Variants in MAPRE2 observed in about 807,000 individuals in gnomAD.
MAPRE2 encodes microtubule-associated protein RP/EB family member 2.
MAPRE2 carries 13 observed loss-of-function variants against 43.2 expected under a neutral mutation model. The observed-to-expected ratio is 0.30, with a 90% CI of 0.20 to 0.48. MAPRE2 has a LOEUF of 0.48. Ranked by LOEUF, MAPRE2 falls within the 20% of genes least tolerant of loss-of-function variation. The probability of loss-of-function intolerance (pLI) is 0.99; values close to 1 mark genes in which losing one functional copy is unlikely to be tolerated. For synonymous variants in MAPRE2, 135 were observed against 148.8 expected (o/e 0.91, Z 0.68); for missense variants, 161 against 400.2 (o/e 0.40, Z 5.10).
intron 2 of MAPRE2, among the ~76,000 whole-genome samples, chr18:35,020,012 C>T (rs920456768): frequency 1.6e-4 from 24 of 152,182 alleles, no homozygotes; most frequent in Admixed American, 1.4e-3. Flanking sequence ...AAAATCAGCT[C>T]GGCCTCAGGT....
intron 1 of MAPRE2, among the ~76,000 whole-genome samples, chr18:35,000,487 G>T (rs73949045): frequency 3.3e-5 from 5 of 152,174 alleles, no homozygotes; most frequent in Admixed American, 1.3e-4. Context: ...AGGATGGGGG[G>T]ACTCCCTAGC....
At chr18:35,126,430 T>G (rs1203904251) in intron 4 of MAPRE2, among the ~76,000 whole-genome samples, 1 of 152,220 alleles carries the variant, frequency 6.6e-6, no homozygotes, top group East Asian at 1.9e-4. Context: ...AACCAAAGTT[T>G]GGGCATCAGG....
chr18:35,035,025 G>T (rs561769434), intron 2 of MAPRE2, among the ~76,000 whole-genome samples: 2 of 152,018 alleles, frequency 1.3e-5, no homozygotes, highest in South Asian at 2.1e-4. Context: ...TATACCCAAA[G>T]GACTATAAAT....
chr18:34,999,519 T>G (rs1243289453), intron 1 of MAPRE2, among the ~76,000 whole-genome samples: 1 of 152,208 alleles, frequency 6.6e-6, no homozygotes, highest in East Asian at 1.9e-4. Context: ...TGAATTTTTA[T>G]TTTATTGTAA....
chr18:34,983,215 T>A (rs2150569984), intron 1 of MAPRE2, among the ~76,000 whole-genome samples: 1 of 152,366 alleles, frequency 6.6e-6, no homozygotes, highest in South Asian at 2.1e-4. Context: ...ATAGGTCAAC[T>A]AATCACTAAA....
chr18:35,131,312 C>T (rs1672156864), intron 5 of MAPRE2, among the ~76,000 whole-genome samples: 1 of 152,206 alleles, frequency 6.6e-6, no homozygotes, highest in African/African-American at 2.4e-5. Flanking sequence ...TCCTCCCATT[C>T]TCCATTTCCT....
At chr18:35,131,975 T>C in intron 5 of MAPRE2, 57 bp from the exon 6 acceptor site, 1 of 1,542,336 alleles carries the variant, frequency 6.5e-7, no homozygotes, top group Non-Finnish European at 8.9e-7. Flanking sequence ...GAATTGCTGG[T>C]CATGTCTTAT....
chr18:34,987,885 C>T (rs1054537437), intron 1 of MAPRE2, among the ~76,000 whole-genome samples: 1 of 152,158 alleles, frequency 6.6e-6, no homozygotes, highest in African/African-American at 2.4e-5. Flanking sequence ...ACAAACAATC[C>T]ACCCACCTCG....
At chr18:35,077,249 G>C (rs7359770) in intron 2 of MAPRE2, among the ~76,000 whole-genome samples, 1 of 88,856 alleles carries the variant, frequency 1.1e-5, no homozygotes, top group Admixed American at 1.1e-4. Context: ...GTGCGCGCGC[G>C]CACACACACA....
rs576049344 is a variant in MAPRE2 at position 34,979,417 on chromosome 18, C to T, written c.-70+2338C>T. 2.0e-5 allele frequency among the ~76,000 whole-genome samples: 3 copies of T among 152,286 alleles called. No individual in the cohort carries two copies. The South Asian group carries it at 6.2e-4, about 32-fold the overall frequency. ...TTTGTTGACACGCACAAACTGCACTCCTTTGAAAGCACATTTAATATCTGA... is the reference window on the plus strand; with the variant it reads ...TTTGTTGACACGCACAAACTGCACTTCTTTGAAAGCACATTTAATATCTGA... On this transcript the variant is annotated intron_variant, in intron 1 of 7. Transcript: ENST00000413393.
chr18:35,130,419 G>C (rs542669651), intron 5 of MAPRE2, among the ~76,000 whole-genome samples: 1 of 152,312 alleles, frequency 6.6e-6, no homozygotes, highest in South Asian at 2.1e-4. Context: ...CCACATGGGG[G>C]TGTCAGTGAG....
chr18:35,043,290 A>G (rs1204222014), intron 1 of MAPRE2, among the ~76,000 whole-genome samples: 1 of 152,208 alleles, frequency 6.6e-6, no homozygotes, highest in Admixed American at 6.5e-5. Flanking sequence ...TTTTGTAGAA[A>G]ATAAATTTGA....
intron 2 of MAPRE2, among the ~76,000 whole-genome samples, chr18:35,078,896 T>C (rs1184690533): frequency 1.3e-5 from 2 of 152,202 alleles, no homozygotes; most frequent in Non-Finnish European, 2.9e-5. Context: ...CCTAGTCTTA[T>C]GAAGTTCTTC....
At chr18:35,127,165 T>C (rs1172939879) in intron 5 of MAPRE2, 78 bp downstream of exon 5, 1 of 1,484,220 alleles carries the variant, frequency 6.7e-7, no homozygotes, top group South Asian at 1.2e-5. Flanking sequence ...CCCCTAGGAC[T>C]GGGGTAAGGG....
intron 2 of MAPRE2, among the ~76,000 whole-genome samples, chr18:35,089,199 G>A (rs1383370285): frequency 6.6e-6 from 1 of 152,150 alleles, no homozygotes. Context: ...TAGGAACTAT[G>A]CAGTTTCTCA....
At chr18:35,027,666 A>G (rs969192348) in intron 2 of MAPRE2, among the ~76,000 whole-genome samples, 7 of 152,242 alleles carry the variant, frequency 4.6e-5, no homozygotes, top group African/African-American at 1.4e-4. Context: ...TAGAGTCACA[A>G]TAGAGAACCA....
At chr18:35,052,152 C>T (rs573889750) in intron 1 of MAPRE2, among the ~76,000 whole-genome samples, 28 of 152,114 alleles carry the variant, frequency 1.8e-4, no homozygotes, top group Non-Finnish European at 3.8e-4. Context: ...GCAGTGTGTC[C>T]ACCCTGAAGC....
intron 1 of MAPRE2, among the ~76,000 whole-genome samples, chr18:35,004,842 C>G (rs2097031036): frequency 6.6e-6 from 1 of 150,692 alleles, no homozygotes; most frequent in Non-Finnish European, 1.5e-5. Flanking sequence ...GGCGTGAGCC[C>G]AGGAGGCAGA....
At chr18:35,079,290 T>G (rs1907520193) in intron 2 of MAPRE2, among the ~76,000 whole-genome samples, 1 of 152,208 alleles carries the variant, frequency 6.6e-6, no homozygotes, top group Non-Finnish European at 1.5e-5. Flanking sequence ...GATAATTTTC[T>G]TACAAGCTTG....
Sources: allele counts gnomAD v4.1 joint callset (sites outside exome capture counted in the v4.1 genomes callset), GRCh38; gene constraint gnomAD v4.1.1; transcripts MANE v1.5; gene names NCBI Gene and HGNC (gene_info 2026-07-23, HGNC 2026-07-21).